The following CIBAR2 variants were observed in gnomAD, a reference collection of about 807,000 sequenced individuals.
CIBAR2 encodes the protein CBY1-interacting BAR domain-containing protein 2.
In CIBAR2, 38 loss-of-function variants were observed where a neutral mutation model predicts 36.2. The ratio of observed to expected loss-of-function variants is 1.05; its 90% confidence interval spans 0.81 to 1.38. CIBAR2 has a LOEUF of 1.38. CIBAR2 is among the 40% of genes most tolerant of loss of function. The pLI, the probability that CIBAR2 is intolerant of heterozygous loss-of-function variation, is 0.00. For synonymous variants in CIBAR2, 182 were observed against 149.5 expected, an observed-to-expected ratio of 1.22 and a Z score of -1.58; for missense variants, 481 against 383.4, an observed-to-expected ratio of 1.25 and a Z score of -2.13.
intron 2 of CIBAR2, 124 bp from the exon 3 acceptor site, chr16:85,108,223 G>T: frequency 1.2e-6 from 1 of 838,230 alleles, no homozygotes; most frequent in Non-Finnish European, 1.8e-6. Flanking sequence ...GAGGTGGAGC[G>T]CGAGGTGCCC....
chr16:85,106,303 C>A (rs2073995380), intron 5 of CIBAR2, among the ~76,000 whole-genome samples: 3 of 152,026 alleles, frequency 2.0e-5, no homozygotes, highest in Non-Finnish European at 2.9e-5. Flanking sequence ...CCACTGGATG[C>A]CAGGTGGTAG....
intron 1 of CIBAR2, 105 bp from the exon 2 acceptor site, chr16:85,110,565 C>G (rs12599425): frequency 0.081 from 68,206 of 837,308 alleles, 3,158 homozygotes; most frequent in Middle Eastern, 0.098. Context: ...CACCAGCCGG[C>G]CTCTGGTGTG....
At chr16:85,099,935 G>A (rs970628730) in intron 8 of CIBAR2, among the ~76,000 whole-genome samples, 1 of 150,514 alleles carries the variant, frequency 6.6e-6, no homozygotes, top group Non-Finnish European at 1.5e-5. Context: ...GAGCCACCGT[G>A]CCCAGCTTCA....
intron 7 of CIBAR2, among the ~76,000 whole-genome samples, chr16:85,101,224 C>A (rs2073953016): frequency 6.6e-6 from 1 of 152,138 alleles, no homozygotes; most frequent in African/African-American, 2.4e-5. Context: ...CCAGAAGGAC[C>A]CTGTGCTTGG....
chr16:85,111,809 C>T (rs2074044950), intron 1 of CIBAR2, among the ~76,000 whole-genome samples: 1 of 152,230 alleles, frequency 6.6e-6, no homozygotes, highest in Non-Finnish European at 1.5e-5. Flanking sequence ...GAGATGGCAC[C>T]ACTGCACTCC....
In CIBAR2 at chr16:85,098,783, C is replaced by G. The variant is rs532951406; in HGVS notation, c.*402G>C. On this transcript the variant is annotated 3_prime_UTR_variant, in exon 9 of 9. Coordinates refer to ENST00000539556, the MANE Select transcript of CIBAR2 (RefSeq NM_198491.3). ...GCAACAGGCCGGGTTTTCTGTGCTT[C>G]GTATAGATCTGTTCATCTGATACTC... is the stretch of plus-strand genomic sequence containing the variant. 8 of 307,876 alleles carry G rather than the reference C, an allele frequency of 2.6e-5. No homozygotes were observed. Among genetic ancestry groups the G allele is most frequent in the East Asian group, 1.7e-4 (1 of 5,874 alleles). The allele number at this position is 307,876 out of a possible 1,614,324, so 19.1% of individuals were successfully genotyped here. A position where few individuals can be genotyped will look rare whatever the true frequency, so the allele number is the denominator to read the frequency against.
intron 6 of CIBAR2, among the ~76,000 whole-genome samples, chr16:85,104,544 C>T (rs1220005499): frequency 6.6e-6 from 1 of 152,022 alleles, no homozygotes; most frequent in Non-Finnish European, 1.5e-5. Context: ...CACCTCCCCC[C>T]ATCTCTACTA....
intron 7 of CIBAR2, 105 bp downstream of exon 7, chr16:85,102,109 A>G: frequency 1.5e-6 from 1 of 684,244 alleles, no homozygotes; most frequent in African/African-American, 1.8e-5. Flanking sequence ...TCAAAGTTAG[A>G]AAAGTTGTGA....
intron 2 of CIBAR2, among the ~76,000 whole-genome samples, chr16:85,109,107 T>A (rs2074020580): frequency 1.3e-5 from 2 of 151,584 alleles, no homozygotes; most frequent in African/African-American, 2.4e-5. Context: ...TTATTTTTCC[T>A]TTGGTTAAAG....
chr16:85,105,763 C>G (rs2073991274), intron 5 of CIBAR2, among the ~76,000 whole-genome samples: 1 of 152,186 alleles, frequency 6.6e-6, no homozygotes, highest in Non-Finnish European at 1.5e-5. Context: ...GCAGCACCTG[C>G]TGAGCCCTTA....
chr16:85,102,926 G>C (rs2073967116), intron 6 of CIBAR2, among the ~76,000 whole-genome samples: 3 of 150,396 alleles, frequency 2.0e-5, no homozygotes, highest in African/African-American at 7.4e-5. Context: ...TTTTGAGATG[G>C]AGTCTCCCTC....
rs116736864 is a variant in CIBAR2, at chr16:85,108,575, T to C, written c.256-476A>G. Among the ~76,000 whole-genome samples, 1,007 of 152,290 alleles carry C rather than the reference T, an allele frequency of 6.6e-3. 9 individuals are homozygous for C. The highest frequency in any genetic ancestry group is 0.023 in the African/African-American group (958 of 41,568). ...GCCTTGCTTTGGGGACAAGACTTTA[T>C]TGAGAGTCACAGTGGGGCCGGGCGC... On this transcript the variant is annotated intron_variant, in intron 2 of 8. Transcript: ENST00000539556.
At chr16:85,111,822 C>G (rs991153243) in intron 1 of CIBAR2, among the ~76,000 whole-genome samples, 3 of 152,238 alleles carry the variant, frequency 2.0e-5, no homozygotes, top group African/African-American at 7.2e-5. Flanking sequence ...TGCACTCCAG[C>G]TTGGGCTACA....
Position 85,098,975 on chromosome 16 carries a change from G to T in CIBAR2, c.*210C>A. Reference sequence around the variant, plus strand: ...AACAATCAAAACTTCAGGAAACATTGGATACACTCACAGAAATGCAAAATG... The same window carrying T: ...AACAATCAAAACTTCAGGAAACATTTGATACACTCACAGAAATGCAAAATG... On this transcript the variant is annotated 3_prime_UTR_variant, in exon 9 of 9. Transcript: ENST00000539556. 1.9e-6 allele frequency: 1 copy of T among 516,172 alleles called. No individual in the cohort carries two copies. Among genetic ancestry groups the T allele is most frequent in the Non-Finnish European group, 3.1e-6 (1 of 319,838 alleles). 32.0% of individuals were successfully genotyped at this position (516,172 alleles called of 1,614,324 possible). A position where few individuals can be genotyped will look rare whatever the true frequency, so the allele number is the denominator to read the frequency against.
rs750138769 is a variant in CIBAR2, at chr16:85,107,885, C to T, written c.387G>A (p.Glu129=). 4 of 1,614,034 alleles carry T rather than the reference C, an allele frequency of 2.5e-6. No individual in the cohort carries two copies. Among genetic ancestry groups the T allele is most frequent in the Middle Eastern group, 1.6e-4 (1 of 6,084 alleles). ...CCGAGGGTGACTTCTGCCTCAGTTT[C>T]TCCAGTTTTTCCAGTTGTTTGATCT... ...NHEIKQLEKL[E]KLRQKSPSDQ... is the part of the protein sequence containing the mutation. The change falls in exon 4 of 9, where the codon GAG becomes GAA. Residue 129 remains glutamate (E), a synonymous_variant. Transcript: ENST00000539556.
intron 1 of CIBAR2, among the ~76,000 whole-genome samples, chr16:85,111,859 A>C (rs2074045322): frequency 6.6e-6 from 1 of 152,220 alleles, no homozygotes; most frequent in Non-Finnish European, 1.5e-5. Flanking sequence ...CAAAAAAATA[A>C]AAGATAAAAA....
In CIBAR2 at chr16:85,110,430, G is replaced by A. The variant is rs1348481302; in HGVS notation, c.51C>T (p.Thr17=). Residue 17 remains threonine, a synonymous_variant, in exon 2 of 9, where the codon ACC becomes ACT. Coordinates refer to ENST00000539556, the MANE Select transcript of CIBAR2 (RefSeq NM_198491.3). ...RDSQVRVMEN[T]VANTEKYFGQ... ...CAAAGTACTTCTCGGTGTTGGCCAC[G>A]GTATTCTCCATCACCCTCACCTGGC... 5.0e-6 allele frequency: 8 copies of A among 1,609,416 alleles called. No homozygotes were observed. The highest frequency in any genetic ancestry group is 1.3e-5 in the African/African-American group (1 of 74,788).
intron 5 of CIBAR2, among the ~76,000 whole-genome samples, chr16:85,106,469 C>G (rs768409638): frequency 6.6e-6 from 1 of 152,096 alleles, no homozygotes; most frequent in Non-Finnish European, 1.5e-5. Context: ...TTATCTGCTA[C>G]AAGCAGTGCA....
intron 6 of CIBAR2, among the ~76,000 whole-genome samples, chr16:85,104,745 G>A (rs553663163): frequency 8.5e-5 from 13 of 152,204 alleles, no homozygotes; most frequent in African/African-American, 2.9e-4. Context: ...AAATCCCCAT[G>A]GTGGTGTGCA....
Sources: allele counts gnomAD v4.1 joint callset (sites outside exome capture counted in the v4.1 genomes callset), GRCh38; gene constraint gnomAD v4.1.1; transcripts MANE v1.5; gene names NCBI Gene and HGNC (gene_info 2026-07-23, HGNC 2026-07-21).